The following POLR2E variants were observed in gnomAD, a reference collection of about 807,000 sequenced individuals.
POLR2E encodes DNA-directed RNA polymerases I, II, and III subunit RPABC1.
In POLR2E, 35 loss-of-function variants were observed where a neutral mutation model predicts 29.8. The observed-to-expected ratio is 1.17, with a 90% CI of 0.90 to 1.55. The LOEUF is 1.55. POLR2E is among the 40% of genes most tolerant of loss of function. The probability of loss-of-function intolerance (pLI) is 0.00; values close to 1 mark genes in which losing one functional copy is unlikely to be tolerated. For missense variants in POLR2E, 287 were observed against 288.6 expected, an observed-to-expected ratio of 0.99 and a Z score of 0.04; for synonymous variants, 174 against 112.6, an observed-to-expected ratio of 1.55 and a Z score of -3.45.
rs2043818664 is a variant in POLR2E at position 1,091,081 on chromosome 19, G to A, written c.349-93C>T. ...CAAGCTACCTGGGGCTTACTCGTGT[G>A]CCCCAACAACACACCCACGTCGTGA... is the stretch of plus-strand genomic sequence containing the variant. On this transcript the variant is annotated intron_variant, in intron 3 of 7. Transcript: ENST00000615234. 3 of 1,092,968 alleles carry A rather than the reference G, an allele frequency of 2.7e-6. No individual in the cohort carries two copies. The South Asian group carries it at 4.0e-5, about 15-fold the overall frequency. The allele number at this position is 1,092,968 out of a possible 1,614,324, so 67.7% of individuals were successfully genotyped here.
rs780939807 is a variant in POLR2E at position 1,095,343 on chromosome 19, C to G, written c.-28G>C. On this transcript the variant is annotated 5_prime_UTR_variant, in exon 1 of 8. Transcript: ENST00000615234. ...CAGCCTCCGCCGCCGCCGCCGCTCG[C>G]ACCCCTTCTCCGCGCGAGAACCCGC... The G allele has an allele frequency of 6.2e-7, 1 of 1,612,032 alleles. No individual in the cohort carries two copies. Among genetic ancestry groups the G allele is most frequent in the Admixed American group, 1.7e-5 (1 of 59,962 alleles).
rs1270528156 is a variant in POLR2E at position 1,092,251 on chromosome 19, C to T, written c.233-344G>A. 44 of 256,430 alleles carry T rather than the reference C, an allele frequency of 1.7e-4. 2 individuals carry two copies. In the East Asian group the frequency reaches 4.2e-3, roughly 25 times the overall value. The allele number at this position is 256,430 out of a possible 1,614,324, so 15.9% of individuals were successfully genotyped here. A position where few individuals can be genotyped will look rare whatever the true frequency, so the allele number is the denominator to read the frequency against. Reference sequence around the variant, plus strand: ...GCACCAACCTCTCCAACAAGCAGACCTCACACCCCAGGACGCTCTCTTTAA... The same window carrying T: ...GCACCAACCTCTCCAACAAGCAGACTTCACACCCCAGGACGCTCTCTTTAA... On this transcript the variant is annotated intron_variant, in intron 2 of 7. Coordinates refer to ENST00000615234, the MANE Select transcript of POLR2E (RefSeq NM_002695.5).
intron 1 of POLR2E, chr19:1,094,992 G>C (rs1346185725): frequency 4.9e-6 from 2 of 408,888 alleles, no homozygotes; most frequent in African/African-American, 2.2e-5. Flanking sequence ...TCCTCCTCTC[G>C]CCGCCACGCG....
intron 2 of POLR2E, among the ~76,000 whole-genome samples, chr19:1,093,192 CAAAAACAAAAA>C (rs1192388718): frequency 1.3e-5 from 2 of 150,700 alleles, no homozygotes; most frequent in South Asian, 2.1e-4. Context: ...TTTCAAAAAA[CAAAAACAAAAA>C]AAAAACAAAA....
chr19:1,090,857 G>A lies in POLR2E; in HGVS notation c.429+51C>T, dbSNP rs373466049. On this transcript the variant is annotated intron_variant, in intron 4 of 7. Coordinates refer to ENST00000615234, the MANE Select transcript of POLR2E (RefSeq NM_002695.5). Reference sequence around the variant, plus strand: ...CACATCTTCCTGGCCACCCACAAACGCTGCATCTCTGCCGGCCCCACGCAG... The same window carrying A: ...CACATCTTCCTGGCCACCCACAAACACTGCATCTCTGCCGGCCCCACGCAG... The A allele has an allele frequency of 4.6e-6, 7 of 1,505,826 alleles. No individual in the cohort carries two copies. The African/African-American group carries it at 5.5e-5, about 12-fold the overall frequency. 93.3% of individuals were successfully genotyped at this position (1,505,826 alleles called of 1,614,324 possible). A position where few individuals can be genotyped will look rare whatever the true frequency, so the allele number is the denominator to read the frequency against.
At chr19:1,090,293 CACCCT>C in intron 4 of POLR2E, 148 bp from the exon 5 acceptor site, 1 of 705,434 alleles carries the variant, frequency 1.4e-6, no homozygotes, top group East Asian at 2.7e-5. Context: ...CCACCCACCC[CACCCT>C]GGCTCCACAG....
chr19:1,091,900 G>C lies in POLR2E; in HGVS notation c.240C>G (p.Pro80=), dbSNP rs746007286. The change falls in exon 3 of 8, where the codon CCC becomes CCG. Residue 80 remains proline (P), a synonymous_variant. Transcript: ENST00000615234. ...CCTTGATGGTCTTGATGCCCACCTTGGGCTCCTCTGCAGACAGAGAGTGTG... is the reference window on the plus strand; with the variant it reads ...CCTTGATGGTCTTGATGCCCACCTTCGGCTCCTCTGCAGACAGAGAGTGTG... ...DQMFVFFPEE[P]KVGIKTIKVY... is the part of the protein sequence containing the mutation. The C allele has an allele frequency of 6.2e-7, 1 of 1,608,882 alleles. No individual in the cohort carries two copies. The highest frequency in any genetic ancestry group is 1.1e-5 in the South Asian group (1 of 91,018).
At chr19:1,094,380 C>T (rs77322491) in intron 1 of POLR2E, 7 of 384,488 alleles carry the variant, frequency 1.8e-5, no homozygotes, top group African/African-American at 6.3e-5. Flanking sequence ...GCAGAGCTAC[C>T]CTAAAGGCAG....
intron 2 of POLR2E, 108 bp from the exon 3 acceptor site, chr19:1,092,015 T>A (rs2043843599): frequency 2.7e-6 from 2 of 753,822 alleles, no homozygotes; most frequent in Admixed American, 4.0e-5. Context: ...CAGGTGTCTC[T>A]CCTGCTCGGG....
chr19:1,089,297 G>T (rs140465452), intron 7 of POLR2E, among the ~76,000 whole-genome samples, 175 bp downstream of exon 7: 1 of 152,140 alleles, frequency 6.6e-6, no homozygotes, highest in African/African-American at 2.4e-5. Context: ...TGCAGCCTAC[G>T]GTCGGGTGGG....
intron 3 of POLR2E, 158 bp downstream of exon 3, chr19:1,091,634 G>C: frequency 1.6e-6 from 1 of 615,650 alleles, no homozygotes; most frequent in Non-Finnish European, 2.9e-6. Flanking sequence ...CGGTGGGAGG[G>C]AGGCGGTCGG....
At chr19:1,093,694 TGA>T (rs2043885953) in intron 2 of POLR2E, 2 of 1,340,994 alleles carry the variant, frequency 1.5e-6, no homozygotes, top group Non-Finnish European at 1.9e-6. Flanking sequence ...AGAAGGGGAC[TGA>T]GAGGGAAACT....
intron 3 of POLR2E, 80 bp downstream of exon 3, chr19:1,091,712 C>A: frequency 2.2e-6 from 2 of 892,234 alleles, no homozygotes; most frequent in Non-Finnish European, 1.8e-6. Flanking sequence ...GCCCAAGGCA[C>A]GTGGGCCGCC....
intron 7 of POLR2E, 90 bp downstream of exon 7, chr19:1,089,382 G>A: frequency 1.2e-6 from 1 of 867,536 alleles, no homozygotes; most frequent in East Asian, 2.7e-5. Context: ...CTTGCTGCCG[G>A]ACAAAGCAAG....
At position 1,091,677 on chromosome 19, in the gene POLR2E, G is replaced by A. The variant is rs568050540; in HGVS notation, c.348+115C>T. On this transcript the variant is annotated intron_variant, in intron 3 of 7. Coordinates refer to ENST00000615234, the MANE Select transcript of POLR2E (RefSeq NM_002695.5). ...CGGACATCCCGGCCACATCCTCCAG[G>A]GCACCCTGGCTGGCCTGGCCCAAAG... is the stretch of plus-strand genomic sequence containing the variant. 4.0e-5 allele frequency: 28 copies of A among 708,344 alleles called. No individual in the cohort carries two copies. The East Asian group carries it at 7.4e-4, about 19-fold the overall frequency. 43.9% of individuals were successfully genotyped at this position (708,344 alleles called of 1,614,324 possible).
chr19:1,092,879 T>A (rs1345484456), intron 2 of POLR2E, among the ~76,000 whole-genome samples: 1 of 87,792 alleles, frequency 1.1e-5, no homozygotes, highest in East Asian at 3.3e-4. Flanking sequence ...GGAGACTCAG[T>A]CTCAAAAAAA....
rs758001347 is a variant in POLR2E, at chr19:1,090,998, A to C, written c.349-10T>G. ...CCATGTCGACCAGGGACTGGAAGAG[A>C]GCGGCTCTAAGGCACGGCCCGGAGG... On this transcript the variant is annotated splice_polypyrimidine_tract_variant and intron_variant, in intron 3 of 7. Coordinates refer to ENST00000615234, the MANE Select transcript of POLR2E (RefSeq NM_002695.5). 1 of 1,613,106 alleles carries C rather than the reference A, an allele frequency of 6.2e-7. No homozygotes were observed. Among genetic ancestry groups the C allele is most frequent in the Non-Finnish European group, 8.5e-7 (1 of 1,179,692 alleles).
chr19:1,089,303 G>GTGGGGTCT (rs1398415897), intron 7 of POLR2E, among the ~76,000 whole-genome samples, 169 bp downstream of exon 7: 1 of 152,148 alleles, frequency 6.6e-6, no homozygotes, highest in Admixed American at 6.5e-5. Context: ...CTACGGTCGG[G>GTGGGGTCT]TGGGGTCTGG....
chr19:1,092,965 C>G (rs2043869694), intron 2 of POLR2E, among the ~76,000 whole-genome samples: 1 of 150,894 alleles, frequency 6.6e-6, no homozygotes, highest in East Asian at 2.0e-4. Flanking sequence ...GCGGGCGGAT[C>G]ACCTGAGATT....
Sources: allele counts gnomAD v4.1 joint callset (sites outside exome capture counted in the v4.1 genomes callset), GRCh38; gene constraint gnomAD v4.1.1; transcripts MANE v1.5; gene names NCBI Gene and HGNC (gene_info 2026-07-23, HGNC 2026-07-21).